The following GTF2H5 variants were observed in gnomAD, a reference collection of about 807,000 sequenced individuals.
The protein encoded by GTF2H5 is general transcription factor IIH subunit 5.
A neutral mutation model predicts 7.1 loss-of-function variants in GTF2H5; 5 were observed. The ratio of observed to expected loss-of-function variants is 0.71; its 90% CI spans 0.37 to 1.49. The LOEUF (loss-of-function observed/expected upper bound fraction) is 1.49. GTF2H5 is among the 40% of genes most tolerant of loss of function. The pLI is 0.03. For missense variants in GTF2H5, 80 were observed against 83.0 expected (o/e 0.96, Z 0.14); for synonymous variants, 30 against 31.7 (o/e 0.95, Z 0.18).
intron 1 of GTF2H5, among the ~76,000 whole-genome samples, chr6:158,169,402 T>TTATATATTATATATAATA (rs1326034888): frequency 0.051 from 4,047 of 79,308 alleles, 385 homozygotes; most frequent in East Asian, 0.14. Flanking sequence ...TAATATTATA[T>TTATATATTATATATAATA]TGTATATTAT....
intron 2 of GTF2H5, chr6:158,190,823 C>T (rs1014114077): frequency 7.2e-6 from 3 of 416,310 alleles, no homozygotes; most frequent in African/African-American, 6.2e-5. Flanking sequence ...TGCAGCTTGA[C>T]ATTTTTATAT....
chr6:158,169,752 ATATATTGTATATTATATATAATATATTG>A (rs1785809201), intron 1 of GTF2H5, among the ~76,000 whole-genome samples: 1 of 66,384 alleles, frequency 1.5e-5, no homozygotes, highest in Non-Finnish European at 2.7e-5. Flanking sequence ...ATATTATATA[ATATATTGTATATTATATATAATATATTG>A]TATATTATAT....
At chr6:158,186,697 G>A (rs186453274) in intron 2 of GTF2H5, among the ~76,000 whole-genome samples, 26 of 152,300 alleles carry the variant, frequency 1.7e-4, no homozygotes. Flanking sequence ...ACACATTTTA[G>A]GGAGACAAAA....
intron 2 of GTF2H5, among the ~76,000 whole-genome samples, chr6:158,189,359 G>GA (rs1184478879): frequency 1.3e-5 from 2 of 152,024 alleles, no homozygotes; most frequent in Non-Finnish European, 2.9e-5. Context: ...GTTTTCCCTT[G>GA]AAAAAACTAT....
At position 158,194,302 on chromosome 6, in the gene GTF2H5, G is replaced by A. The variant is rs1201541224; in HGVS notation, c.*2145G>A. On this transcript the variant is annotated 3_prime_UTR_variant, in exon 3 of 3. Transcript: ENST00000607778. ...GAATTTAAAAGTCCTTTATTTAGCT[G>A]GCAGCCAAGAGGTGGCTCACACTTG... 2 of 152,190 alleles carry A rather than the reference G, an allele frequency of 1.3e-5. No individual in the cohort carries two copies. The highest frequency in any genetic ancestry group is 3.8e-4 in the East Asian group (2 of 5,202). 9.4% of individuals were successfully genotyped at this position (152,190 alleles called of 1,614,324 possible).
chr6:158,182,723 C>T (rs1786027530), intron 2 of GTF2H5, among the ~76,000 whole-genome samples: 1 of 151,886 alleles, frequency 6.6e-6, no homozygotes, highest in Admixed American at 6.6e-5. Flanking sequence ...TTTTCAGCAC[C>T]ATCAGGTCAT....
At position 158,192,819 on chromosome 6, in the gene GTF2H5, G is replaced by T. The variant is rs2128432329; in HGVS notation, c.*662G>T. 6.6e-6 allele frequency: 1 copy of T among 151,528 alleles called. No individual in the cohort carries two copies. The highest frequency in any genetic ancestry group is 2.1e-4 in the South Asian group (1 of 4,782). The allele number at this position is 151,528 out of a possible 1,614,324, so 9.4% of individuals were successfully genotyped here. On this transcript the variant is annotated 3_prime_UTR_variant, in exon 3 of 3. Coordinates refer to ENST00000607778, the MANE Select transcript of GTF2H5 (RefSeq NM_207118.3). ...AAGAAAACAGCTTAGGGAGGCTGAG[G>T]TGGGAGGATTGCTTGAGCCCAGGAG...
chr6:158,175,245 T>C (rs1330561826), intron 2 of GTF2H5, among the ~76,000 whole-genome samples: 1 of 152,128 alleles, frequency 6.6e-6, no homozygotes, highest in East Asian at 1.9e-4. Flanking sequence ...ATTAAAGTTT[T>C]AGTTTGAAAC....
intron 2 of GTF2H5, among the ~76,000 whole-genome samples, chr6:158,184,395 G>C (rs1177311620): frequency 6.6e-6 from 1 of 152,022 alleles, no homozygotes; most frequent in African/African-American, 2.4e-5. Context: ...AGGCTTTCTG[G>C]GTCCAGTACT....
rs1350295913 is a variant in GTF2H5, at chr6:158,169,508, TGTATATTATATATAATATACA to T, written c.-34-941_-34-921del. 5.2e-4 allele frequency among the ~76,000 whole-genome samples: 35 copies of T among 67,318 alleles called. 5 individuals are homozygous for T. Among genetic ancestry groups the T allele is most frequent in the African/African-American group, 1.5e-3 (23 of 15,838 alleles). The allele number at this position is 67,318 out of a possible 152,430, so 44.2% of individuals were successfully genotyped here. Reference sequence around the variant, plus strand: ...ATATATTGTATATTATATAATATATTGTATATTATATATAATATACAGTATATTATATATAATATACTGTAT... The same window carrying T: ...ATATATTGTATATTATATAATATATTGTATATTATATATAATATACTGTAT... On this transcript the variant is annotated intron_variant, in intron 1 of 2. Transcript: ENST00000607778.
At chr6:158,170,109 G>A (rs997102828) in intron 1 of GTF2H5, among the ~76,000 whole-genome samples, 1 of 151,996 alleles carries the variant, frequency 6.6e-6, no homozygotes, top group Non-Finnish European at 1.5e-5. Flanking sequence ...TTTGATTCCT[G>A]TCTCCCAGGA....
At position 158,170,474 on chromosome 6, in the gene GTF2H5, C is replaced by G. The variant is rs1378085814; in HGVS notation, c.-30C>G. ...TTACCTTACTCTTTTTATTAGCATT[C>G]TTCAGGTCATCTGAACCTTCTGAGA... On this transcript the variant is annotated 5_prime_UTR_variant, in exon 2 of 3. Coordinates refer to ENST00000607778, the MANE Select transcript of GTF2H5 (RefSeq NM_207118.3). 5.1e-6 allele frequency: 8 copies of G among 1,573,836 alleles called. No individual in the cohort carries two copies. The highest frequency in any genetic ancestry group is 7.0e-6 in the Non-Finnish European group (8 of 1,143,330).
intron 2 of GTF2H5, among the ~76,000 whole-genome samples, chr6:158,182,870 A>G (rs1317397912): frequency 2.6e-5 from 4 of 152,124 alleles, no homozygotes; most frequent in East Asian, 1.9e-4. Flanking sequence ...TCTGAAGCCA[A>G]CTTCTGTCAT....
Position 158,197,146 on chromosome 6 carries a change from T to C in GTF2H5, c.*4989T>C, listed in dbSNP as rs1240389728. ...TGAATTCAGAGACAGGTATAAAGAC[T>C]GCTTGGTGATTTTGAAAGGACTGAG... On this transcript the variant is annotated 3_prime_UTR_variant, in exon 3 of 3. Transcript: ENST00000607778. 6.5e-6 allele frequency: 1 copy of C among 154,212 alleles called. No homozygotes were observed. The highest frequency in any genetic ancestry group is 6.5e-5 in the Admixed American group (1 of 15,272). The allele number at this position is 154,212 out of a possible 1,614,324, so 9.6% of individuals were successfully genotyped here.
intron 2 of GTF2H5, among the ~76,000 whole-genome samples, chr6:158,188,492 C>A (rs1776965192): frequency 6.6e-6 from 1 of 152,180 alleles, no homozygotes; most frequent in African/African-American, 2.4e-5. Flanking sequence ...TTCATCAACC[C>A]CACGTTCCTT....
At chr6:158,170,203 T>A (rs1194348780) in intron 1 of GTF2H5, among the ~76,000 whole-genome samples, 2 of 152,170 alleles carry the variant, frequency 1.3e-5, no homozygotes, top group African/African-American at 4.8e-5. Flanking sequence ...CACACTGGTG[T>A]AGAGTTAGGC....
rs950046448 is a variant in GTF2H5, at chr6:158,197,968, T to G, written c.*5811T>G. Reference sequence around the variant, plus strand: ...TGCTTGAACTTAATGGAGCTTATGTTGAGAAATAAAAGAAATTATATTTTA... The same window carrying G: ...TGCTTGAACTTAATGGAGCTTATGTGGAGAAATAAAAGAAATTATATTTTA... On this transcript the variant is annotated 3_prime_UTR_variant, in exon 3 of 3. Coordinates refer to ENST00000607778, the MANE Select transcript of GTF2H5 (RefSeq NM_207118.3). 1 of 152,224 alleles carries G rather than the reference T, an allele frequency of 6.6e-6. No homozygotes were observed. Among genetic ancestry groups the G allele is most frequent in the Non-Finnish European group, 1.5e-5 (1 of 68,048 alleles). The allele number at this position is 152,224 out of a possible 1,614,324, so 9.4% of individuals were successfully genotyped here. A position where few individuals can be genotyped will look rare whatever the true frequency, so the allele number is the denominator to read the frequency against.
At chr6:158,168,999 C>T (rs1409028073) in intron 1 of GTF2H5, among the ~76,000 whole-genome samples, 2 of 151,708 alleles carry the variant, frequency 1.3e-5, no homozygotes, top group Non-Finnish European at 2.9e-5. Context: ...TTTGGGAGGC[C>T]GAGGTAGGTG....
At chr6:158,188,580 C>A (rs1243807342) in intron 2 of GTF2H5, among the ~76,000 whole-genome samples, 1 of 152,012 alleles carries the variant, frequency 6.6e-6, no homozygotes, top group African/African-American at 2.4e-5. Context: ...AATTGTTTAC[C>A]TCTGAAATTT....
Sources: allele counts gnomAD v4.1 joint callset (sites outside exome capture counted in the v4.1 genomes callset), GRCh38; gene constraint gnomAD v4.1.1; transcripts MANE v1.5; gene names NCBI Gene and HGNC (gene_info 2026-07-23, HGNC 2026-07-21).